COL28A1: variants seen among roughly 807,000 people sequenced by gnomAD.
The protein encoded by COL28A1 is collagen type XXVIII alpha 1 chain.
In COL28A1, 161 loss-of-function variants were observed where a neutral mutation model predicts 150.2. The ratio of observed to expected loss-of-function variants is 1.07; its 90% confidence interval spans 0.94 to 1.22. The LOEUF (loss-of-function observed/expected upper bound fraction) is 1.22. COL28A1 is among the 50% of genes most tolerant of loss of function. The probability of loss-of-function intolerance (pLI) is 0.00; values close to 1 mark genes in which losing one functional copy is unlikely to be tolerated. For missense variants in COL28A1, 1,617 were observed against 1,388.3 expected (o/e 1.16, Z -2.62); for synonymous variants, 552 against 469.7 (o/e 1.18, Z -2.26).
upstream of COL28A1, among the ~76,000 whole-genome samples, chr7:7,539,960 T>C: frequency 6.6e-6 from 1 of 152,230 alleles, no homozygotes; most frequent in East Asian, 1.9e-4. Context: ...ATTCCCGTTA[T>C]ACCAATCTTA....
intron 25 of COL28A1, among the ~76,000 whole-genome samples, chr7:7,425,206 C>T (rs1360164146): frequency 6.6e-6 from 1 of 152,182 alleles, no homozygotes; most frequent in Non-Finnish European, 1.5e-5. Flanking sequence ...CAGCAGGATA[C>T]ATGACTTGCC....
chr7:7,539,529 G>C (rs1782749951), upstream of COL28A1, among the ~76,000 whole-genome samples: 1 of 152,164 alleles, frequency 6.6e-6, no homozygotes, highest in South Asian at 2.1e-4. Flanking sequence ...ACGAGGTTTG[G>C]AGGGGGCAAA....
chr7:7,463,480 A>G (rs1353643256), intron 15 of COL28A1, among the ~76,000 whole-genome samples: 2 of 152,202 alleles, frequency 1.3e-5, no homozygotes, highest in East Asian at 3.8e-4. Context: ...TTCTCAGCAG[A>G]AACTCTACAA....
chr7:7,540,908 C>CTGACAGCTCATGTTTT, the COL28A1 span, among the ~76,000 whole-genome samples: 513 of 152,134 alleles, frequency 3.4e-3, 3 homozygotes, highest in Non-Finnish European at 5.9e-3. Flanking sequence ...ACTTCAATAA[C>CTGACAGCTCATGTTTT]TGATCCCTAA....
intron 27 of COL28A1, among the ~76,000 whole-genome samples, chr7:7,415,107 T>G (rs1397593358): frequency 6.6e-6 from 1 of 152,184 alleles, no homozygotes; most frequent in Non-Finnish European, 1.5e-5. Flanking sequence ...AAATCACTTG[T>G]GATTGCAGCT....
chr7:7,373,195 T>C lies in COL28A1; in HGVS notation c.2711A>G (p.Asp904Gly). 2 of 1,614,226 alleles carry C rather than the reference T, an allele frequency of 1.2e-6. No homozygotes were observed. Among genetic ancestry groups the C allele is most frequent in the Non-Finnish European group, 1.7e-6 (2 of 1,180,034 alleles). ...TTTATCACGAGAATCTGTCTGTCCATCAGTGATGACCAAGGCCACTTTTTT... is the reference window on the plus strand; with the variant it reads ...TTTATCACGAGAATCTGTCTGTCCACCAGTGATGACCAAGGCCACTTTTTT... ...GVKKVALVIT[D>G]GQTDSRDKEK... The change falls in exon 32 of 35, where the codon GAT (aspartate) becomes GGT (glycine). Residue 904 changes from aspartate (D) to glycine (G), a missense_variant. Transcript: ENST00000399429. This position sits in a 1 kb window ranked among gnomAD's most constrained non-coding sequence, Gnocchi z 4.1.
intron 25 of COL28A1, 90 bp from the exon 26 acceptor site, chr7:7,420,043 G>T: frequency 1.3e-6 from 1 of 757,034 alleles, no homozygotes; most frequent in East Asian, 3.0e-5. Context: ...AAAACTTCTT[G>T]AATGTGACTA....
chr7:7,351,051 T>G, the COL28A1 span, among the ~76,000 whole-genome samples: 1 of 152,200 alleles, frequency 6.6e-6, no homozygotes, highest in Admixed American at 6.6e-5. Context: ...TTCTCAGTTT[T>G]GTTCTACTGC....
intron 27 of COL28A1, among the ~76,000 whole-genome samples, chr7:7,401,757 G>A (rs145573907): frequency 9.2e-5 from 14 of 152,148 alleles, no homozygotes; most frequent in African/African-American, 2.4e-4. Context: ...GTCACATACT[G>A]CCACAGAACC....
In COL28A1 at chr7:7,412,438, C is replaced by T. The variant is rs183153078; in HGVS notation, c.2136+5421G>A. 1.1e-4 allele frequency among the ~76,000 whole-genome samples: 17 copies of T among 152,100 alleles called. 1 individual carries two copies. The East Asian group carries it at 2.9e-3, about 26-fold the overall frequency. On this transcript the variant is annotated intron_variant, in intron 27 of 34. Transcript: ENST00000399429. ...GCAATGTCTACACTAACTAATGTAA[C>T]CAATATATTATGCTTAAGAGCATTA... is the stretch of plus-strand genomic sequence containing the variant.
intron 27 of COL28A1, among the ~76,000 whole-genome samples, chr7:7,402,301 A>G (rs139501973): frequency 4.6e-5 from 7 of 152,350 alleles, no homozygotes; most frequent in African/African-American, 1.4e-4. Context: ...ATCTTATGCA[A>G]TAAGAAGAGA....
At chr7:7,507,183 A>C (rs772851319) in intron 9 of COL28A1, 22 bp from the exon 10 acceptor site, 1 of 1,026,556 alleles carries the variant, frequency 9.7e-7, no homozygotes, top group Non-Finnish European at 1.5e-6. Flanking sequence ...AATTGAAAAT[A>C]AGTCTCTCTA....
intron 20 of COL28A1, among the ~76,000 whole-genome samples, chr7:7,442,746 T>C (rs1785911016): frequency 6.6e-6 from 1 of 152,014 alleles, no homozygotes; most frequent in Admixed American, 6.6e-5. Context: ...CACATAAAAA[T>C]AGAAAGAAGC....
the COL28A1 span, among the ~76,000 whole-genome samples, chr7:7,339,282 CTTCT>C: frequency 1.3e-5 from 2 of 152,146 alleles, no homozygotes; most frequent in African/African-American, 4.8e-5. Context: ...GGTCTCTTCA[CTTCT>C]TTACTTCCTA....
intron 15 of COL28A1, among the ~76,000 whole-genome samples, chr7:7,472,248 T>C (rs1465968296): frequency 2.0e-5 from 3 of 152,154 alleles, no homozygotes; most frequent in Non-Finnish European, 2.9e-5. Flanking sequence ...TTGCTGATGA[T>C]ATGATTGTTT....
At chr7:7,440,765 G>GT in intron 21 of COL28A1, 25 bp downstream of exon 21, 2 of 1,044,014 alleles carry the variant, frequency 1.9e-6, no homozygotes, top group Non-Finnish European at 3.0e-6. Context: ...TCCTCAAAGC[G>GT]TAAGTCAGAA....
At chr7:7,493,150 G>A (rs1419352921) in intron 11 of COL28A1, among the ~76,000 whole-genome samples, 2 of 150,766 alleles carry the variant, frequency 1.3e-5, no homozygotes, top group African/African-American at 2.4e-5. Context: ...AACAATACAA[G>A]GCCCTAAATT....
At chr7:7,534,251 T>C (rs1782525193) in intron 1 of COL28A1, among the ~76,000 whole-genome samples, 1 of 152,152 alleles carries the variant, frequency 6.6e-6, no homozygotes, top group Non-Finnish European at 1.5e-5. Context: ...TGCCAACTGA[T>C]CCTCAGACAA....
chr7:7,515,980 G>A, intron 7 of COL28A1, 140 bp from the exon 8 acceptor site: 1 of 558,136 alleles, frequency 1.8e-6, no homozygotes, highest in African/African-American at 2.0e-5. Context: ...AATGTAAACT[G>A]TTCCACTTCT....
Sources: gnomAD v4.1 joint callset for allele counts (sites outside exome capture counted in the v4.1 genomes callset) on GRCh38, gnomAD v4.1.1 for gene constraint, Gnocchi (gnomAD v3.1) non-coding constraint, MANE v1.5 for transcripts, NCBI Gene and HGNC (gene_info 2026-07-23, HGNC 2026-07-21) for gene names.